The following WDR47 variants were observed in gnomAD, a reference collection of about 807,000 sequenced individuals.
WDR47 encodes WD repeat-containing protein 47.
Under a neutral mutation model 97.2 loss-of-function variants are expected in WDR47, and 32 were observed. The ratio of observed to expected loss-of-function variants is 0.33; its 90% CI spans 0.25 to 0.44. The LOEUF is 0.44. WDR47 is among the 20% of genes least tolerant of loss of function. The pLI, the probability that WDR47 is intolerant of heterozygous loss-of-function variation, is 1.00. For missense variants in WDR47, 782 were observed against 1,102.3 expected (o/e 0.71, Z 4.11); for synonymous variants, 375 against 373.5 (o/e 1.00, Z -0.05).
chr1:109,008,273 C>CCT (rs1660774743), intron 5 of WDR47, among the ~76,000 whole-genome samples: 1 of 148,900 alleles, frequency 6.7e-6, no homozygotes, highest in Non-Finnish European at 1.5e-5. Context: ...TCCTATACTT[C>CCT]TTTTTTTTTT....
At chr1:109,005,129 C>T (rs1370360118) in intron 5 of WDR47, among the ~76,000 whole-genome samples, 3 of 151,960 alleles carry the variant, frequency 2.0e-5, no homozygotes, top group Non-Finnish European at 4.4e-5. Context: ...AGCCCAGGCA[C>T]GGTGGCTCAC....
chr1:109,008,025 C>T (rs1405886370), intron 5 of WDR47, among the ~76,000 whole-genome samples: 2 of 151,862 alleles, frequency 1.3e-5, no homozygotes, highest in African/African-American at 4.8e-5. Flanking sequence ...TCGCTTGAAC[C>T]CAGGAGGCAG....
At chr1:109,035,246 A>G (rs1370776915) in intron 1 of WDR47, among the ~76,000 whole-genome samples, 4 of 141,766 alleles carry the variant, frequency 2.8e-5, no homozygotes, top group African/African-American at 5.3e-5. Context: ...ACCCTGTCTC[A>G]GAAAAAAAAA....
Position 108,970,915 on chromosome 1 carries a change from G to A in WDR47, c.*515C>T, listed in dbSNP as rs1003055017. On this transcript the variant is annotated 3_prime_UTR_variant, in exon 15 of 15. Transcript: ENST00000369962. ...GAAAGCAACCATGTAACTTTTGAGT[G>A]ACATATATTATGGAATTCTGACCTC... 6.6e-5 allele frequency: 10 copies of A among 152,552 alleles called. No individual in the cohort carries two copies. Among genetic ancestry groups the A allele is most frequent in the African/African-American group, 2.4e-4 (10 of 41,430 alleles). 9.4% of individuals were successfully genotyped at this position (152,552 alleles called of 1,614,324 possible). A position where few individuals can be genotyped will look rare whatever the true frequency, so the allele number is the denominator to read the frequency against.
intron 1 of WDR47, among the ~76,000 whole-genome samples, chr1:109,033,321 G>T (rs1662727815): frequency 6.6e-6 from 1 of 151,898 alleles, no homozygotes; most frequent in Admixed American, 6.6e-5. Flanking sequence ...ACAAAAAAAA[G>T]CTAAATGGTT....
At position 109,010,897 on chromosome 1, in the gene WDR47, T is replaced by A. The variant is rs750097033; in HGVS notation, c.1130+19A>T. 1.6e-5 allele frequency: 26 copies of A among 1,586,544 alleles called. No individual in the cohort carries two copies. Among genetic ancestry groups the A allele is most frequent in the Admixed American group, 3.5e-5 (2 of 56,542 alleles). Reference sequence around the variant, plus strand: ...GCACCCGGCCTAAGATTTCCTAATTTTTATAACCAAATGCTTACCGCTCAG... The same window carrying A: ...GCACCCGGCCTAAGATTTCCTAATTATTATAACCAAATGCTTACCGCTCAG... On this transcript the variant is annotated intron_variant, in intron 5 of 14. Coordinates refer to ENST00000369962, the MANE Select transcript of WDR47 (RefSeq NM_001142551.2).
Position 109,011,377 on chromosome 1 carries a change from G to A in WDR47, c.669C>T (p.Ser223=), listed in dbSNP as rs752193074. ...SKATGEEITE[S]EVLLGIDLLC... ...AGAGGTCGATGCCAAGAAGCACTTC[G>A]CTTTCTGTAATTTCTTCTCCAGTTG... is the stretch of plus-strand genomic sequence containing the variant. The change falls in exon 5 of 15, where the codon AGC becomes AGT. Residue 223 remains serine (S), a synonymous_variant. Coordinates refer to ENST00000369962, the MANE Select transcript of WDR47 (RefSeq NM_001142551.2). 7.4e-6 allele frequency: 12 copies of A among 1,614,026 alleles called. No individual in the cohort carries two copies. Among genetic ancestry groups the A allele is most frequent in the Admixed American group, 1.7e-5 (1 of 59,992 alleles).
Position 108,995,583 on chromosome 1 carries a change from T to A in WDR47, c.1688A>T (p.Gln563Leu), listed in dbSNP as rs150746223. 2.2e-5 allele frequency: 36 copies of A among 1,613,810 alleles called. No individual in the cohort carries two copies. In the African/African-American group the frequency reaches 3.6e-4, roughly 16 times the overall value. Reference protein sequence around the residue: ...PFLEESPCGSQISSEHSVIKP... With the variant: ...PFLEESPCGSLISSEHSVIKP... ...TTTTACAAAGTCAAGCACTTACATT[T>A]GGCTTCCACAAGGTGATTCCTCCAG... The change falls in exon 8 of 15, where the codon CAA becomes CTA. Residue 563 changes from glutamine (Q) to leucine (L), a missense_variant. Gln to Leu is a moderately radical substitution (Grantham distance 113). Around this residue, in one of 3 missense-constraint regions of WDR47, gnomAD observed 126 missense variants for 121.3 expected, o/e 1.04. Coordinates refer to ENST00000369962, the MANE Select transcript of WDR47 (RefSeq NM_001142551.2).
intron 6 of WDR47, among the ~76,000 whole-genome samples, chr1:109,003,391 AT>A (rs918462455): frequency 2.0e-5 from 3 of 151,618 alleles, no homozygotes; most frequent in Admixed American, 6.6e-5. Flanking sequence ...TTTAATTTTA[AT>A]TTTTTTCTTG....
chr1:109,002,141 T>C, intron 7 of WDR47, 83 bp downstream of exon 7: 1 of 1,405,006 alleles, frequency 7.1e-7, no homozygotes, highest in Non-Finnish European at 9.4e-7. Context: ...AATGTCAAAC[T>C]ATACATAGAA....
chr1:109,018,645 G>C (rs1661596739), intron 2 of WDR47, among the ~76,000 whole-genome samples: 1 of 151,614 alleles, frequency 6.6e-6, no homozygotes, highest in African/African-American at 2.4e-5. Flanking sequence ...CGAAACCCTG[G>C]CTCTACAAAA....
chr1:109,034,299 A>G (rs1316606272), intron 1 of WDR47, among the ~76,000 whole-genome samples: 4 of 152,228 alleles, frequency 2.6e-5, no homozygotes. Context: ...AAATAAATAA[A>G]CTTAAATGTA....
chr1:109,004,548 CAA>C, intron 6 of WDR47, 42 bp downstream of exon 6: 1 of 1,559,486 alleles, frequency 6.4e-7, no homozygotes, highest in Non-Finnish European at 8.6e-7. Flanking sequence ...TTACTTCTTA[CAA>C]AGAGAATAAC....
intron 4 of WDR47, among the ~76,000 whole-genome samples, chr1:109,012,362 T>C (rs547674693): frequency 1.0e-3 from 155 of 151,742 alleles, no homozygotes; most frequent in Non-Finnish European, 1.9e-3. Context: ...GGGCAGATCA[T>C]GAGGTTCGAG....
At chr1:108,993,957 T>G (rs1471707442) in intron 8 of WDR47, among the ~76,000 whole-genome samples, 1 of 152,166 alleles carries the variant, frequency 6.6e-6, no homozygotes, top group African/African-American at 2.4e-5. Flanking sequence ...AAATAACATT[T>G]ACAAGGTCAT....
chr1:109,025,263 C>T (rs1374883743), intron 1 of WDR47, among the ~76,000 whole-genome samples: 1 of 151,702 alleles, frequency 6.6e-6, no homozygotes, highest in Non-Finnish European at 1.5e-5. Context: ...CATGGCGAAA[C>T]ATGGTCTCTA....
At chr1:109,010,352 A>C (rs942413451) in intron 5 of WDR47, among the ~76,000 whole-genome samples, 7 of 152,164 alleles carry the variant, frequency 4.6e-5, no homozygotes, top group Non-Finnish European at 1.0e-4. Flanking sequence ...ACTTGAGTCC[A>C]GGAGTTTGAG....
At chr1:108,989,769 A>G (rs771032841) in intron 9 of WDR47, among the ~76,000 whole-genome samples, 9 of 152,188 alleles carry the variant, frequency 5.9e-5, no homozygotes, top group Admixed American at 2.0e-4. Context: ...ATCTTGGCTC[A>G]TTGCAACCTC....
rs551696657 is a variant in WDR47 at position 109,008,946 on chromosome 1, G to A, written c.1130+1970C>T. Among the ~76,000 whole-genome samples the A allele has an allele frequency of 1.3e-3, 197 of 152,142 alleles. 2 individuals are homozygous for A. The highest frequency in any genetic ancestry group is 4.6e-3 in the African/African-American group (193 of 41,564). ...TAGAAACAGAAATTCTGGGCCGGGC[G>A]CAGTGGCGCACGCCTGTAATCCCAG... is the stretch of plus-strand genomic sequence containing the variant. On this transcript the variant is annotated intron_variant, in intron 5 of 14. Transcript: ENST00000369962.
Sources: gnomAD v4.1 joint callset for allele counts (sites outside exome capture counted in the v4.1 genomes callset) on GRCh38, gnomAD v4.1.1 for gene constraint, gnomAD v4.1.1 regional missense constraint, MANE v1.5 for transcripts, NCBI Gene and HGNC (gene_info 2026-07-23, HGNC 2026-07-21) for gene names.